FUT8: variants seen among roughly 807,000 people sequenced by gnomAD.
FUT8 encodes alpha-(1,6)-fucosyltransferase.
FUT8 carries 29 observed loss-of-function variants against 71.3 expected under a neutral mutation model. That is an observed-to-expected ratio of 0.41 (90% CI 0.30 to 0.55). FUT8 has a LOEUF of 0.55. Among genes scored for constraint, FUT8 ranks in the 20% least tolerant of loss-of-function variants. The pLI, the probability that FUT8 is intolerant of heterozygous loss-of-function variation, is 0.34. For missense variants in FUT8, 544 were observed against 702.1 expected, an observed-to-expected ratio of 0.77 and a Z score of 2.55; for synonymous variants, 254 against 239.3, an observed-to-expected ratio of 1.06 and a Z score of -0.57.
chr14:65,682,883 T>C (rs1893101926), intron 7 of FUT8, among the ~76,000 whole-genome samples: 1 of 152,212 alleles, frequency 6.6e-6, no homozygotes, highest in Non-Finnish European at 1.5e-5. Context: ...CAGTGCAAGT[T>C]ATTTTTTAAG....
intron 2 of FUT8, among the ~76,000 whole-genome samples, chr14:65,523,952 A>G (rs1883264425): frequency 6.6e-6 from 1 of 152,170 alleles, no homozygotes; most frequent in South Asian, 2.1e-4. Flanking sequence ...TGGTACCAGT[A>G]CCATGCTGTT....
At chr14:65,517,151 A>G (rs1882767367) in intron 2 of FUT8, among the ~76,000 whole-genome samples, 1 of 151,912 alleles carries the variant, frequency 6.6e-6, no homozygotes, top group South Asian at 2.1e-4. Context: ...ACTTTTGGCT[A>G]TTGTGAATAA....
rs1027689900 is a variant in FUT8 at position 65,550,696 on chromosome 14, A to G, written c.-227-10641A>G. Among the ~76,000 whole-genome samples the G allele has an allele frequency of 6.6e-6, 1 of 152,042 alleles. No homozygotes were observed. Among genetic ancestry groups the G allele is most frequent in the Non-Finnish European group, 1.5e-5 (1 of 67,990 alleles). On this transcript the variant is annotated intron_variant, in intron 2 of 10. Coordinates refer to ENST00000673929, the MANE Select transcript of FUT8 (RefSeq NM_001371533.1). The surrounding 1 kb of genome is among the most constrained non-coding windows in gnomAD (Gnocchi z 4.5). ...CTTTTAAATCCTAGCACATATTTCGATACTTGTTTCAGCGCTCTTGTCTGC... is the reference window on the plus strand; with the variant it reads ...CTTTTAAATCCTAGCACATATTTCGGTACTTGTTTCAGCGCTCTTGTCTGC...
intron 1 of FUT8, among the ~76,000 whole-genome samples, chr14:65,446,950 CG>C (rs1012051897): frequency 6.6e-6 from 1 of 152,118 alleles, no homozygotes; most frequent in African/African-American, 2.4e-5. Flanking sequence ...ACTACAGGCA[CG>C]TACCACCACA....
chr14:65,636,880 G>A (rs923417765), intron 6 of FUT8, among the ~76,000 whole-genome samples: 1 of 152,270 alleles, frequency 6.6e-6, no homozygotes, highest in South Asian at 2.1e-4. Flanking sequence ...AGGCAGTATG[G>A]CATGGTTTAC....
chr14:65,633,913 C>T (rs1015074178), intron 6 of FUT8, among the ~76,000 whole-genome samples: 5 of 151,822 alleles, frequency 3.3e-5, no homozygotes, highest in Admixed American at 6.5e-5. Flanking sequence ...AGCCCCCGCC[C>T]GGCCAGCTGC....
intron 1 of FUT8, among the ~76,000 whole-genome samples, chr14:65,427,007 C>T (rs947481428): frequency 1.4e-4 from 21 of 151,914 alleles, no homozygotes; most frequent in African/African-American, 4.8e-4. Context: ...TACAGGTGCC[C>T]GCTACCATGC....
chr14:65,471,183 C>G, intron 2 of FUT8: 1 of 225,872 alleles, frequency 4.4e-6, no homozygotes, highest in Non-Finnish European at 9.5e-6. Flanking sequence ...CATCCCTCTG[C>G]CCTCTACCAA....
At chr14:65,530,970 TGGGA>T (rs1445718200) in intron 2 of FUT8, among the ~76,000 whole-genome samples, 7 of 147,066 alleles carry the variant, frequency 4.8e-5, no homozygotes, top group East Asian at 4.2e-4. Flanking sequence ...GTAAAAAGTA[TGGGA>T]ACTTTTTACC....
chr14:65,650,920 A>G (rs144419587), intron 6 of FUT8, among the ~76,000 whole-genome samples: 11 of 152,226 alleles, frequency 7.2e-5, no homozygotes, highest in Non-Finnish European at 1.3e-4. Context: ...TGCTGTAGCT[A>G]TGGAGATTGT....
At chr14:65,654,122 T>C (rs1220872757) in intron 6 of FUT8, among the ~76,000 whole-genome samples, 1 of 152,192 alleles carries the variant, frequency 6.6e-6, no homozygotes, top group East Asian at 1.9e-4. Flanking sequence ...CAATGGCCGA[T>C]GTGGTTCTTA....
At chr14:65,479,109 C>G (rs952723984) in intron 2 of FUT8, among the ~76,000 whole-genome samples, 11 of 152,128 alleles carry the variant, frequency 7.2e-5, no homozygotes, top group South Asian at 2.1e-4. Flanking sequence ...ATGTTAGTTC[C>G]TTCAATACAT....
chr14:65,606,037 G>A (rs747043626), intron 3 of FUT8, among the ~76,000 whole-genome samples: 1 of 148,970 alleles, frequency 6.7e-6, no homozygotes, highest in Non-Finnish European at 1.5e-5. Context: ...CTCCACCTGT[G>A]ACTTGTCTAT....
intron 1 of FUT8, among the ~76,000 whole-genome samples, chr14:65,415,600 C>T (rs756290793): frequency 3.4e-4 from 51 of 151,368 alleles, no homozygotes; most frequent in Middle Eastern, 3.5e-3. Flanking sequence ...ATTTCAAAAA[C>T]GAAGCTTCAA....
chr14:65,469,649 A>G (rs1014574939), intron 2 of FUT8, among the ~76,000 whole-genome samples: 1 of 152,202 alleles, frequency 6.6e-6, no homozygotes, highest in African/African-American at 2.4e-5. Context: ...CTCTATAGGC[A>G]GGTTGTCTCA....
chr14:65,366,018 T>A, the FUT8 span, among the ~76,000 whole-genome samples: 6 of 152,054 alleles, frequency 3.9e-5, no homozygotes, highest in East Asian at 9.6e-4. Flanking sequence ...TTGTATTTTT[T>A]AAAAATAAAC....
Position 65,729,937 on chromosome 14 carries a change from G to A in FUT8, c.1260-3294G>A, listed in dbSNP as rs1207885349. 2.6e-5 allele frequency among the ~76,000 whole-genome samples: 4 copies of A among 151,022 alleles called. No homozygotes were observed. The East Asian group carries it at 5.8e-4, about 22-fold the overall frequency. On this transcript the variant is annotated intron_variant, in intron 9 of 10. Transcript: ENST00000673929. ...TGTAAATCCTTTTATTTTTATTTTC[G>A]ACTTGAGTCGTTTCTCGGGGATTTA...
Position 65,472,754 on chromosome 14 carries a change from G to A in FUT8, c.-228+17036G>A, listed in dbSNP as rs1386683525. Among the ~76,000 whole-genome samples the A allele has an allele frequency of 6.6e-6, 1 of 151,912 alleles. No individual in the cohort carries two copies. On this transcript the variant is annotated intron_variant, in intron 2 of 10. Transcript: ENST00000673929. This position sits in a 1 kb window ranked among gnomAD's most constrained non-coding sequence, Gnocchi z 4.4. ...CATTGAATTTCTTAATTAGTAGATT[G>A]CCCACTAATTATTTTTATGAGCACA...
intron 6 of FUT8, among the ~76,000 whole-genome samples, chr14:65,639,991 T>C (rs1002756503): frequency 3.3e-5 from 5 of 152,170 alleles, no homozygotes; most frequent in African/African-American, 1.2e-4. Flanking sequence ...CATTTTAATG[T>C]GCCATTTAAA....
Sources: gnomAD v4.1 joint callset for allele counts (sites outside exome capture counted in the v4.1 genomes callset) on GRCh38, gnomAD v4.1.1 for gene constraint, Gnocchi (gnomAD v3.1) non-coding constraint, MANE v1.5 for transcripts, NCBI Gene and HGNC (gene_info 2026-07-23, HGNC 2026-07-21) for gene names.